CRK: variants seen among roughly 807,000 people sequenced by gnomAD.
The protein encoded by CRK is adapter molecule crk.
CRK carries 4 observed loss-of-function variants against 29.8 expected under a neutral mutation model. The ratio of observed to expected loss-of-function variants is 0.13; its 90% CI spans 0.07 to 0.31. CRK has a LOEUF of 0.31. Ranked by LOEUF, CRK falls within the 10% of genes least tolerant of loss-of-function variation. The pLI is 1.00. For synonymous variants in CRK, 153 were observed against 164.9 expected (o/e 0.93, Z 0.55); for missense variants, 274 against 396.5 (o/e 0.69, Z 2.62).
chr17:1,439,281 T>G (rs767280413), intron 1 of CRK, among the ~76,000 whole-genome samples: 6 of 152,102 alleles, frequency 3.9e-5, no homozygotes, highest in Non-Finnish European at 5.9e-5. Flanking sequence ...GTATTTTTAA[T>G]AGAGACGGGG....
At chr17:1,453,089 C>CA (rs1429653217) in intron 1 of CRK, among the ~76,000 whole-genome samples, 5 of 152,258 alleles carry the variant, frequency 3.3e-5, no homozygotes, top group Admixed American at 1.3e-4. Flanking sequence ...GCTTGGGTGA[C>CA]AGAGGCTCTG....
chr17:1,445,502 G>A (rs2073968704), intron 1 of CRK, among the ~76,000 whole-genome samples: 1 of 152,232 alleles, frequency 6.6e-6, no homozygotes, highest in Non-Finnish European at 1.5e-5. Flanking sequence ...GGGCAGGACT[G>A]GAGAGGGGAT....
chr17:1,429,678 T>C (rs1349462481), intron 2 of CRK, among the ~76,000 whole-genome samples: 1 of 151,238 alleles, frequency 6.6e-6, no homozygotes, highest in Non-Finnish European at 1.5e-5. Context: ...ATAATCCCAG[T>C]GCTTTGTGAG....
chr17:1,455,165 C>T (rs1222843418), intron 1 of CRK, among the ~76,000 whole-genome samples: 5 of 152,214 alleles, frequency 3.3e-5, no homozygotes, highest in African/African-American at 7.2e-5. Flanking sequence ...TCTCTAACGG[C>T]GGACAGTCTT....
chr17:1,441,620 T>C (rs2073935720), intron 1 of CRK, among the ~76,000 whole-genome samples: 4 of 151,688 alleles, frequency 2.6e-5, no homozygotes, highest in Non-Finnish European at 5.9e-5. Context: ...GCCTCCCGAG[T>C]AGCTGGGACT....
chr17:1,446,232 C>T (rs1352193482), intron 1 of CRK, among the ~76,000 whole-genome samples: 1 of 152,142 alleles, frequency 6.6e-6, no homozygotes, highest in Non-Finnish European at 1.5e-5. Flanking sequence ...AAGACAACCT[C>T]CCACCCGGCT....
intron 1 of CRK, 149 bp downstream of exon 1, chr17:1,455,728 C>G (rs61762264): frequency 2.5e-6 from 3 of 1,203,036 alleles, no homozygotes; most frequent in Non-Finnish European, 3.2e-6. Flanking sequence ...CGGGTGAGAG[C>G]GAGCCCGAGC....
rs1376679932 is a variant in CRK at position 1,423,060 on chromosome 17, A to G, written c.*453T>C. On this transcript the variant is annotated 3_prime_UTR_variant, in exon 3 of 3. Transcript: ENST00000300574. ...TACAATGAAAGCAATCCTGCTTGAT[A>G]CTATTCACACGGTGCATGATTACTT... 2 of 402,124 alleles carry G rather than the reference A, an allele frequency of 5.0e-6. No individual in the cohort carries two copies. The highest frequency in any genetic ancestry group is 2.4e-4 in the South Asian group (2 of 8,180). 24.9% of individuals were successfully genotyped at this position (402,124 alleles called of 1,614,324 possible).
At chr17:1,444,914 C>T (rs1298747885) in intron 1 of CRK, among the ~76,000 whole-genome samples, 10 of 151,782 alleles carry the variant, frequency 6.6e-5, no homozygotes, top group African/African-American at 9.7e-5. Flanking sequence ...TCTGGGAGGC[C>T]GAGGCAGGCG....
At chr17:1,449,926 C>T (rs573465280) in intron 1 of CRK, among the ~76,000 whole-genome samples, 65 of 152,290 alleles carry the variant, frequency 4.3e-4, no homozygotes, top group Admixed American at 1.5e-3. Context: ...CAGCTGCGCA[C>T]GGTGGCTCAC....
chr17:1,443,702 C>CT (rs886230915), intron 1 of CRK, among the ~76,000 whole-genome samples: 3 of 143,084 alleles, frequency 2.1e-5, no homozygotes, highest in Admixed American at 1.4e-4. Flanking sequence ...CCCAGCCCCA[C>CT]TTTTTTTTAT....
At chr17:1,430,442 C>T (rs549198594) in intron 2 of CRK, among the ~76,000 whole-genome samples, 94 of 151,450 alleles carry the variant, frequency 6.2e-4, no homozygotes, top group Non-Finnish European at 1.1e-3. Context: ...CTGCAAGCTC[C>T]GCCTCCCGGG....
intron 2 of CRK, among the ~76,000 whole-genome samples, chr17:1,435,144 T>C (rs2073877386): frequency 6.6e-6 from 1 of 152,076 alleles, no homozygotes; most frequent in Non-Finnish European, 1.5e-5. Flanking sequence ...ACTTCAGCCA[T>C]GACCTTTCAG....
chr17:1,454,603 A>G (rs978090097), intron 1 of CRK, among the ~76,000 whole-genome samples: 2 of 152,214 alleles, frequency 1.3e-5, no homozygotes, highest in African/African-American at 4.8e-5. Context: ...GTAAATCTAA[A>G]TTAGAACTAT....
rs150800944 is a variant in CRK, at chr17:1,450,076, C to A, written c.241+5801G>T. Among the ~76,000 whole-genome samples the A allele has an allele frequency of 2.5e-3, 387 of 152,142 alleles. 1 individual carries two copies. Among genetic ancestry groups the A allele is most frequent in the African/African-American group, 8.8e-3 (363 of 41,484 alleles). On this transcript the variant is annotated intron_variant, in intron 1 of 2. Coordinates refer to ENST00000300574, the MANE Select transcript of CRK (RefSeq NM_016823.4). The stretch of plus-strand genomic sequence containing the variant: ...AATTAGCTGGGAGTGGTGGCGCATG[C>A]CTGTAATCCCAGCTACCTACTCAAG...
chr17:1,430,934 A>G (rs59617317), intron 2 of CRK, among the ~76,000 whole-genome samples: 3,373 of 151,760 alleles, frequency 0.022, 106 homozygotes, highest in African/African-American at 0.071. Context: ...CGGGCGTGGT[A>G]GCAGGCGCCT....
intron 1 of CRK, among the ~76,000 whole-genome samples, chr17:1,449,744 G>C (rs2074003356): frequency 6.6e-6 from 1 of 152,158 alleles, no homozygotes; most frequent in African/African-American, 2.4e-5. Flanking sequence ...CTGACAGAAT[G>C]TGACCAGTAG....
At chr17:1,434,142 C>CA (rs774201512) in intron 2 of CRK, among the ~76,000 whole-genome samples, 28 of 152,122 alleles carry the variant, frequency 1.8e-4, no homozygotes, top group Non-Finnish European at 1.3e-4. Context: ...AAAAGGTTTG[C>CA]AGACCCCTGA....
At chr17:1,446,554 C>T (rs1598303546) in intron 1 of CRK, among the ~76,000 whole-genome samples, 1 of 149,368 alleles carries the variant, frequency 6.7e-6, no homozygotes, top group East Asian at 2.0e-4. Flanking sequence ...TCTTCTTGGT[C>T]AAATGCCACA....
Sources: allele counts gnomAD v4.1 joint callset (sites outside exome capture counted in the v4.1 genomes callset), GRCh38; gene constraint gnomAD v4.1.1; transcripts MANE v1.5; gene names NCBI Gene and HGNC (gene_info 2026-07-23, HGNC 2026-07-21).